Variants in STK32C observed in about 807,000 individuals in gnomAD.
STK32C encodes the protein serine/threonine-protein kinase 32C.
STK32C carries 31 observed loss-of-function variants against 56.5 expected under a neutral mutation model. That is an observed-to-expected ratio of 0.55 (90% CI 0.41 to 0.74). The LOEUF (loss-of-function observed/expected upper bound fraction) is 0.74, where lower values mean the gene tolerates loss of function less well. STK32C is among the 30% of genes least tolerant of loss of function. The pLI is 0.00. For synonymous variants in STK32C, 309 were observed against 289.4 expected (o/e 1.07, Z -0.69); for missense variants, 544 against 676.9 (o/e 0.80, Z 2.18).
intron 3 of STK32C, among the ~76,000 whole-genome samples, chr10:132,227,738 G>A (rs1021340106): frequency 3.3e-5 from 5 of 152,084 alleles, no homozygotes; most frequent in Admixed American, 6.6e-5. Context: ...CTGGTCTTCC[G>A]GCAGGCTCAG....
At chr10:132,311,491 G>T (rs984386838), upstream of STK32C, among the ~76,000 whole-genome samples, 1 of 152,232 alleles carries the variant, frequency 6.6e-6, no homozygotes, top group Non-Finnish European at 1.5e-5. The surrounding 1 kb of genome is among the most constrained non-coding windows in gnomAD (Gnocchi z 4.4). Flanking sequence ...TGGAGCCCAC[G>T]TGTGGGGACA....
intron 2 of STK32C, among the ~76,000 whole-genome samples, chr10:132,241,105 C>T (rs1462468337): frequency 1.3e-5 from 2 of 152,210 alleles, no homozygotes; most frequent in African/African-American, 2.4e-5. Context: ...TAAGTGAGGG[C>T]CTGGCTGTTA....
intron 8 of STK32C, among the ~76,000 whole-genome samples, chr10:132,223,905 C>T (rs1369477940): frequency 6.6e-6 from 1 of 152,232 alleles, no homozygotes; most frequent in Non-Finnish European, 1.5e-5. Flanking sequence ...GGAGGCACTA[C>T]TGATGGCCAC....
At chr10:132,215,568 G>A (rs1027080987) in intron 10 of STK32C, among the ~76,000 whole-genome samples, 23 of 152,034 alleles carry the variant, frequency 1.5e-4, no homozygotes, top group African/African-American at 4.1e-4. Flanking sequence ...CTTGCCTTCC[G>A]CCATGATTGT....
intron 1 of STK32C, among the ~76,000 whole-genome samples, chr10:132,246,717 CA>C (rs1188642073): frequency 6.6e-6 from 1 of 152,174 alleles, no homozygotes; most frequent in Non-Finnish European, 1.5e-5. Context: ...ATGGGCTTTC[CA>C]GACCGTCTGC....
rs934796821 is a variant in STK32C at position 132,254,787 on chromosome 10, G to A, written c.263-8832C>T. Among the ~76,000 whole-genome samples, 4 of 152,074 alleles carry A rather than the reference G, an allele frequency of 2.6e-5. 1 individual carries two copies. Among genetic ancestry groups the A allele is most frequent in the African/African-American group, 9.7e-5 (4 of 41,376 alleles). On this transcript the variant is annotated intron_variant, in intron 1 of 11. Coordinates refer to ENST00000298630, the MANE Select transcript of STK32C (RefSeq NM_173575.4). The stretch of plus-strand genomic sequence containing the variant: ...CAGCACTATGTCACCCCGGCACAAT[G>A]CGTGCACCCCACGCGAAGGCTGTCT...
At chr10:132,236,280 G>A (rs183242638) in intron 2 of STK32C, among the ~76,000 whole-genome samples, 4 of 152,356 alleles carry the variant, frequency 2.6e-5, no homozygotes, top group East Asian at 1.9e-4. Context: ...CTGGGCCCAC[G>A]CGGAGGCCCG....
chr10:132,270,472 G>A (rs1252454142), intron 1 of STK32C, among the ~76,000 whole-genome samples: 1 of 152,196 alleles, frequency 6.6e-6, no homozygotes, highest in Non-Finnish European at 1.5e-5. Flanking sequence ...AACCCTCCAC[G>A]GCACTTCTGG....
chr10:132,269,784 G>A (rs1262873095), intron 1 of STK32C, among the ~76,000 whole-genome samples: 1 of 152,206 alleles, frequency 6.6e-6, no homozygotes, highest in Non-Finnish European at 1.5e-5. Flanking sequence ...TGGGAGCGCT[G>A]ACTCCAGCGG....
At chr10:132,235,494 T>TAA (rs56193362) in intron 2 of STK32C, among the ~76,000 whole-genome samples, 12 of 108,136 alleles carry the variant, frequency 1.1e-4, no homozygotes, top group Non-Finnish European at 1.6e-4. Flanking sequence ...GACTCAGCCT[T>TAA]AAAAAAAAAA....
chr10:132,239,289 G>A (rs1159754725), intron 2 of STK32C, among the ~76,000 whole-genome samples: 3 of 152,168 alleles, frequency 2.0e-5, no homozygotes, highest in Non-Finnish European at 4.4e-5. Context: ...AGGAGAGCAG[G>A]TCAGCTCAAC....
At chr10:132,230,245 A>T (rs2063043313) in intron 2 of STK32C, among the ~76,000 whole-genome samples, 1 of 152,260 alleles carries the variant, frequency 6.6e-6, no homozygotes, top group Non-Finnish European at 1.5e-5. Flanking sequence ...TCAGAATGAC[A>T]GTGAGCGTAA....
At chr10:132,282,255 A>G (rs2065236169) in intron 1 of STK32C, among the ~76,000 whole-genome samples, 1 of 152,182 alleles carries the variant, frequency 6.6e-6, no homozygotes, top group Non-Finnish European at 1.5e-5. Context: ...CGGCTCTCAC[A>G]GCGCCCATCC....
chr10:132,292,904 C>G (rs1004371547), intron 1 of STK32C, among the ~76,000 whole-genome samples: 5 of 151,320 alleles, frequency 3.3e-5, no homozygotes, highest in African/African-American at 1.2e-4. Flanking sequence ...GGTCCCTCCC[C>G]CCTCCCTTCC....
At chr10:132,330,191 T>C (rs977017924) in intron 1 of STK32C, 4 of 489,462 alleles carry the variant, frequency 8.2e-6, no homozygotes, top group African/African-American at 3.9e-5. Context: ...AACATGCTCG[T>C]ACATACAATT....
chr10:132,221,264 ACACACACAAC>A (rs2062631175), intron 10 of STK32C, among the ~76,000 whole-genome samples: 1 of 119,812 alleles, frequency 8.3e-6, no homozygotes, highest in African/African-American at 3.2e-5. Flanking sequence ...GGCCATCCCC[ACACACACAAC>A]TGATGCTGAC....
At chr10:132,260,181 C>T (rs1450070187) in intron 1 of STK32C, among the ~76,000 whole-genome samples, 1 of 152,178 alleles carries the variant, frequency 6.6e-6, no homozygotes, top group Non-Finnish European at 1.5e-5. Flanking sequence ...TGAGGAGACA[C>T]TGACACGTCC....
chr10:132,322,196 A>G (rs191260736), downstream of STK32C, among the ~76,000 whole-genome samples: 1 of 152,210 alleles, frequency 6.6e-6, no homozygotes, highest in Non-Finnish European at 1.5e-5. Flanking sequence ...TTTATTGGCC[A>G]TTTATTTCTC....
At chr10:132,303,546 G>A (rs1268923808) in intron 1 of STK32C, among the ~76,000 whole-genome samples, 1 of 152,196 alleles carries the variant, frequency 6.6e-6, no homozygotes, top group African/African-American at 2.4e-5. Flanking sequence ...CTGTGTACCA[G>A]GAAGGGCGAG....
Sources: allele counts gnomAD v4.1 joint callset (sites outside exome capture counted in the v4.1 genomes callset), GRCh38; gene constraint gnomAD v4.1.1; non-coding constraint Gnocchi (gnomAD v3.1); transcripts MANE v1.5; gene names NCBI Gene and HGNC (gene_info 2026-07-23, HGNC 2026-07-21).